Variants in ZBTB20 observed in about 807,000 individuals in gnomAD.
The protein encoded by ZBTB20 is zinc finger and BTB domain-containing protein 20.
In ZBTB20, 9 loss-of-function variants were observed where a neutral mutation model predicts 56.9. That is an observed-to-expected ratio of 0.16 (90% CI 0.10 to 0.28). ZBTB20 has a LOEUF of 0.28. Ranked by LOEUF, ZBTB20 falls within the 10% of genes least tolerant of loss-of-function variation. ZBTB20 has a pLI of 1.00. For synonymous variants in ZBTB20, 417 were observed against 420.7 expected, an observed-to-expected ratio of 0.99 and a Z score of 0.11; for missense variants, 655 against 1,003.0, an observed-to-expected ratio of 0.65 and a Z score of 4.69.
At chr3:114,637,696 T>A (rs1223562101) in intron 6 of ZBTB20, among the ~76,000 whole-genome samples, 1 of 152,076 alleles carries the variant, frequency 6.6e-6, no homozygotes, top group Non-Finnish European at 1.5e-5. Context: ...TGTGAGACAG[T>A]AGGAATAAGA....
At chr3:114,464,853 G>A (rs544390928) in intron 7 of ZBTB20, among the ~76,000 whole-genome samples, 6 of 152,208 alleles carry the variant, frequency 3.9e-5, no homozygotes, top group Non-Finnish European at 8.8e-5. Flanking sequence ...CTAGAGCATT[G>A]AGTGCCACAT....
At position 114,315,012 on chromosome 3, in the gene ZBTB20, C is replaced by A. The variant is rs1422286765; in HGVS notation, c.*23993G>T. 6.6e-6 allele frequency: 1 copy of A among 151,938 alleles called. No homozygotes were observed. Among genetic ancestry groups the A allele is most frequent in the African/African-American group, 2.4e-5 (1 of 41,350 alleles). The allele number at this position is 151,938 out of a possible 1,614,324, so 9.4% of individuals were successfully genotyped here. A position where few individuals can be genotyped will look rare whatever the true frequency, so the allele number is the denominator to read the frequency against. ...AAGCACTTGATAGAAAAGGCGTATG[C>A]AAGGTTTTTCCAAACAATTTTTCTG... On this transcript the variant is annotated 3_prime_UTR_variant, in exon 12 of 12. Transcript: ENST00000675478.
chr3:114,602,058 T>A (rs1260309732), intron 6 of ZBTB20, among the ~76,000 whole-genome samples: 2 of 152,040 alleles, frequency 1.3e-5, no homozygotes, highest in Non-Finnish European at 2.9e-5. Context: ...AAGGTCCTCA[T>A]ATTTAATGAG....
At chr3:114,367,403 C>G (rs1243716775) in intron 10 of ZBTB20, among the ~76,000 whole-genome samples, 1 of 152,108 alleles carries the variant, frequency 6.6e-6, no homozygotes, top group Non-Finnish European at 1.5e-5. Flanking sequence ...AGTAGCTGGA[C>G]TACAAGTGCA....
At chr3:114,764,801 G>T (rs1052966339) in intron 5 of ZBTB20, among the ~76,000 whole-genome samples, 3 of 152,052 alleles carry the variant, frequency 2.0e-5, no homozygotes, top group African/African-American at 7.2e-5. Context: ...CATTTATAGG[G>T]TTATCTCAAG....
At chr3:114,766,451 T>C (rs1220833029) in intron 5 of ZBTB20, among the ~76,000 whole-genome samples, 3 of 151,760 alleles carry the variant, frequency 2.0e-5, no homozygotes, top group African/African-American at 7.3e-5. Flanking sequence ...AGACTGTACC[T>C]TGATTTTTCT....
intron 2 of ZBTB20, among the ~76,000 whole-genome samples, chr3:114,996,644 T>C (rs2079039722): frequency 6.6e-6 from 1 of 152,004 alleles, no homozygotes; most frequent in African/African-American, 2.4e-5. Flanking sequence ...TCTTTGTTAT[T>C]GTGAACAGTG....
intron 6 of ZBTB20, among the ~76,000 whole-genome samples, chr3:114,627,796 C>T (rs1021463727): frequency 2.0e-5 from 3 of 152,216 alleles, no homozygotes; most frequent in Non-Finnish European, 4.4e-5. Context: ...TTCCTCTTTT[C>T]TTTTCCCAGA....
chr3:114,787,382 CACACACACACAT>C (rs1310128766), intron 5 of ZBTB20, among the ~76,000 whole-genome samples: 1 of 143,542 alleles, frequency 7.0e-6, no homozygotes, highest in East Asian at 2.0e-4. Context: ...CACACACACA[CACACACACACAT>C]ATATATACAT....
chr3:114,922,287 TCTCA>T (rs1313148461), intron 3 of ZBTB20, among the ~76,000 whole-genome samples: 1 of 152,086 alleles, frequency 6.6e-6, no homozygotes, highest in Non-Finnish European at 1.5e-5. Flanking sequence ...GCATACTCAC[TCTCA>T]CTATTTCTAT....
intron 7 of ZBTB20, among the ~76,000 whole-genome samples, chr3:114,492,099 T>C (rs944817981): frequency 8.5e-5 from 13 of 152,188 alleles, no homozygotes; most frequent in Admixed American, 6.5e-4. Context: ...GGGTATTTTA[T>C]GGCCTCATTT....
intron 6 of ZBTB20, among the ~76,000 whole-genome samples, chr3:114,676,567 T>C (rs547193818): frequency 6.6e-6 from 1 of 152,194 alleles, no homozygotes; most frequent in East Asian, 1.9e-4. Flanking sequence ...AAATGTTCAG[T>C]ATGTTGAACT....
chr3:114,616,961 C>A (rs1350383954), intron 6 of ZBTB20, among the ~76,000 whole-genome samples: 1 of 152,164 alleles, frequency 6.6e-6, no homozygotes, highest in African/African-American at 2.4e-5. Flanking sequence ...AACATATCTC[C>A]TCCTCTCTGT....
chr3:114,647,149 T>G (rs1199577187), intron 6 of ZBTB20, among the ~76,000 whole-genome samples: 1 of 151,978 alleles, frequency 6.6e-6, no homozygotes, highest in Non-Finnish European at 1.5e-5. Flanking sequence ...TAGTAGAGAC[T>G]GGCTTTCATC....
At chr3:115,104,919 G>C (rs571069362) in intron 1 of ZBTB20, among the ~76,000 whole-genome samples, 3 of 152,258 alleles carry the variant, frequency 2.0e-5, no homozygotes, top group Middle Eastern at 6.8e-3. Flanking sequence ...TGACTCTGGT[G>C]GGGGATATTG....
At chr3:115,043,066 G>A (rs1464528969) in intron 2 of ZBTB20, among the ~76,000 whole-genome samples, 6 of 152,126 alleles carry the variant, frequency 3.9e-5, no homozygotes, top group Admixed American at 2.0e-4. Flanking sequence ...TCCAGTTTTC[G>A]GTTGCATCTT....
intron 1 of ZBTB20, among the ~76,000 whole-genome samples, chr3:115,133,752 T>C (rs1253925092): frequency 6.6e-6 from 1 of 152,260 alleles, no homozygotes; most frequent in African/African-American, 2.4e-5. Context: ...ATATCATAGA[T>C]GAATAATTTT....
At chr3:114,766,877 T>G (rs2068829789) in intron 5 of ZBTB20, among the ~76,000 whole-genome samples, 1 of 152,106 alleles carries the variant, frequency 6.6e-6, no homozygotes, top group African/African-American at 2.4e-5. Flanking sequence ...CCTTTTTCTT[T>G]CTTTCCCAAA....
chr3:114,367,604 CTTAACAGG>C (rs2082553418), intron 10 of ZBTB20, among the ~76,000 whole-genome samples: 1 of 152,154 alleles, frequency 6.6e-6, no homozygotes, highest in Non-Finnish European at 1.5e-5. Flanking sequence ...CAAAAAGGAA[CTTAACAGG>C]TTAACACTAG....
Sources: gnomAD v4.1 joint callset for allele counts (sites outside exome capture counted in the v4.1 genomes callset) on GRCh38, gnomAD v4.1.1 for gene constraint, MANE v1.5 for transcripts, NCBI Gene and HGNC (gene_info 2026-07-23, HGNC 2026-07-21) for gene names.